The following PTPRJ variants were observed in gnomAD, a reference collection of about 807,000 sequenced individuals.
PTPRJ encodes the protein receptor-type tyrosine-protein phosphatase eta.
A neutral mutation model predicts 141.3 loss-of-function variants in PTPRJ; 129 were observed. The observed-to-expected ratio is 0.91, with a 90% CI of 0.79 to 1.06. The LOEUF (loss-of-function observed/expected upper bound fraction) is 1.06. Ranked by LOEUF, PTPRJ falls within the 50% of genes least tolerant of loss-of-function variation. The probability of loss-of-function intolerance (pLI) is 0.00; values close to 1 mark genes in which losing one functional copy is unlikely to be tolerated. For synonymous variants in PTPRJ, 610 were observed against 640.5 expected (o/e 0.95, Z 0.72); for missense variants, 1,601 against 1,679.7 (o/e 0.95, Z 0.82).
chr11:48,110,383 T>A (rs1856408734), intron 2 of PTPRJ, among the ~76,000 whole-genome samples: 1 of 152,122 alleles, frequency 6.6e-6, no homozygotes, highest in African/African-American at 2.4e-5. Flanking sequence ...ATTTTTTGTA[T>A]TTTTAGTAGA....
At chr11:48,015,087 T>A (rs1854916925) in intron 1 of PTPRJ, among the ~76,000 whole-genome samples, 1 of 152,114 alleles carries the variant, frequency 6.6e-6, no homozygotes, top group African/African-American at 2.4e-5. Flanking sequence ...TTGTCGTTTT[T>A]GGATTATGTC....
intron 21 of PTPRJ, among the ~76,000 whole-genome samples, chr11:48,159,474 C>A (rs1333216995): frequency 6.6e-6 from 1 of 152,130 alleles, no homozygotes; most frequent in East Asian, 1.9e-4. Context: ...TGCTGCTCTG[C>A]TCTAAATCAA....
chr11:48,160,764 A>T (rs1299989752), intron 22 of PTPRJ, among the ~76,000 whole-genome samples: 2 of 152,212 alleles, frequency 1.3e-5, no homozygotes, highest in Admixed American at 1.3e-4. Context: ...GACGAGTCTC[A>T]GCATTATTTA....
At chr11:48,108,745 A>G (rs1479649320) in intron 1 of PTPRJ, among the ~76,000 whole-genome samples, 1 of 152,070 alleles carries the variant, frequency 6.6e-6, no homozygotes, top group Non-Finnish European at 1.5e-5. Flanking sequence ...CAGGGGCTGG[A>G]GGAGGAAGAT....
At chr11:48,075,761 A>T (rs182347089) in intron 1 of PTPRJ, among the ~76,000 whole-genome samples, 3 of 152,102 alleles carry the variant, frequency 2.0e-5, no homozygotes, top group Admixed American at 2.0e-4. Context: ...TCCTTCCCAG[A>T]TGTTATGTCC....
At position 48,125,142 on chromosome 11, in the gene PTPRJ, C is replaced by T. The variant is rs780500983; in HGVS notation, c.1049C>T (p.Ala350Val). Residue 350 changes from alanine (A) to valine (V), a missense_variant, in exon 6 of 25, where the codon GCG (alanine) becomes GTG (valine). Coordinates refer to ENST00000418331, the MANE Select transcript of PTPRJ (RefSeq NM_002843.4). ...RYNATVYSQA[A>V]NGTEGQPQAI... ...AATGCCACCGTTTATTCCCAAGCAGCGAATGGCACAGAAGGACAGCCCCAG... is the reference window on the plus strand; with the variant it reads ...AATGCCACCGTTTATTCCCAAGCAGTGAATGGCACAGAAGGACAGCCCCAG... 12 of 1,613,882 alleles carry T rather than the reference C, an allele frequency of 7.4e-6. No homozygotes were observed. The highest frequency in any genetic ancestry group is 2.7e-5 in the African/African-American group (2 of 74,858).
chr11:47,999,758 G>A (rs1393686875), intron 1 of PTPRJ, among the ~76,000 whole-genome samples: 1 of 152,142 alleles, frequency 6.6e-6, no homozygotes, highest in Non-Finnish European at 1.5e-5. Flanking sequence ...TTGTCTATGG[G>A]TATGTAGGGC....
At chr11:47,996,769 G>A (rs1242795110) in intron 1 of PTPRJ, among the ~76,000 whole-genome samples, 3 of 152,240 alleles carry the variant, frequency 2.0e-5, no homozygotes, top group Non-Finnish European at 2.9e-5. Flanking sequence ...GTCAGCCTCA[G>A]TGTCAGGGAC....
At chr11:48,145,726 T>A (rs894449866) in intron 14 of PTPRJ, among the ~76,000 whole-genome samples, 1 of 152,112 alleles carries the variant, frequency 6.6e-6, no homozygotes, top group Non-Finnish European at 1.5e-5. Flanking sequence ...GCCCAGCTAA[T>A]TTTTGTATTT....
chr11:48,010,777 C>T (rs551503067), intron 1 of PTPRJ, among the ~76,000 whole-genome samples: 1 of 152,216 alleles, frequency 6.6e-6, no homozygotes, highest in African/African-American at 2.4e-5. Flanking sequence ...CTCAGGTGAT[C>T]CACCTGCCTT....
intron 1 of PTPRJ, among the ~76,000 whole-genome samples, chr11:48,005,974 G>A (rs1854610542): frequency 6.6e-6 from 1 of 152,240 alleles, no homozygotes; most frequent in Non-Finnish European, 1.5e-5. Flanking sequence ...GCCCCTGCTG[G>A]GCCAGGCGAT....
At chr11:48,091,761 C>G (rs1049773346) in intron 1 of PTPRJ, among the ~76,000 whole-genome samples, 5 of 152,146 alleles carry the variant, frequency 3.3e-5, no homozygotes, top group African/African-American at 1.2e-4. Context: ...TTGGAAATAC[C>G]TCCCAAGAGG....
chr11:48,059,220 T>A (rs1314417109), intron 1 of PTPRJ, among the ~76,000 whole-genome samples: 3 of 150,136 alleles, frequency 2.0e-5, no homozygotes, highest in African/African-American at 4.9e-5. Context: ...CCTCCCGGGT[T>A]CAAGCAATTC....
chr11:48,094,910 G>T (rs1855965957), intron 1 of PTPRJ, among the ~76,000 whole-genome samples: 2 of 152,182 alleles, frequency 1.3e-5, no homozygotes, highest in Admixed American at 1.3e-4. Context: ...TGGAGGGGCA[G>T]CCCTTTCTGC....
At chr11:48,166,535 C>T (rs1453861859) in intron 24 of PTPRJ, among the ~76,000 whole-genome samples, 5 of 151,810 alleles carry the variant, frequency 3.3e-5, no homozygotes, top group Admixed American at 2.6e-4. Context: ...GCTGATCTCG[C>T]ACTCCTAACC....
chr11:48,131,459 A>G, intron 8 of PTPRJ: 1 of 769,188 alleles, frequency 1.3e-6, no homozygotes, highest in Non-Finnish European at 2.4e-6. Context: ...CTTTTCCCCA[A>G]CTTGCCAATT....
At chr11:48,071,607 C>CTT (rs35993560) in intron 1 of PTPRJ, among the ~76,000 whole-genome samples, 43,819 of 82,496 alleles carry the variant, frequency 0.53, 16,130 homozygotes, top group East Asian at 0.8. Flanking sequence ...CGCACCCAGC[C>CTT]TTTTTTTTTT....
intron 3 of PTPRJ, among the ~76,000 whole-genome samples, chr11:48,117,866 A>T (rs149720867): frequency 2.0e-5 from 3 of 152,320 alleles, no homozygotes; most frequent in African/African-American, 2.4e-5. Flanking sequence ...CAAATAAGAA[A>T]ATCAGAAATG....
chr11:48,097,662 C>T (rs972616066), intron 1 of PTPRJ, among the ~76,000 whole-genome samples: 1 of 151,978 alleles, frequency 6.6e-6, no homozygotes, highest in Non-Finnish European at 1.5e-5. Context: ...CTCAGCCTCC[C>T]GAGTAGCTGG....
Sources: gnomAD v4.1 joint callset for allele counts (sites outside exome capture counted in the v4.1 genomes callset) on GRCh38, gnomAD v4.1.1 for gene constraint, MANE v1.5 for transcripts, NCBI Gene and HGNC (gene_info 2026-07-23, HGNC 2026-07-21) for gene names.